The following ARHGAP6 variants were observed in gnomAD, a reference collection of about 807,000 sequenced individuals.
The protein encoded by ARHGAP6 is Rho GTPase activating protein 6.
In ARHGAP6, 16 loss-of-function variants were observed where a neutral mutation model predicts 55.7. The ratio of observed to expected loss-of-function variants is 0.29; its 90% confidence interval spans 0.19 to 0.44. ARHGAP6 has a LOEUF of 0.44. ARHGAP6 is among the 20% of genes least tolerant of loss of function. The pLI, the probability that ARHGAP6 is intolerant of heterozygous loss-of-function variation, is 1.00. For missense variants in ARHGAP6, 698 were observed against 808.9 expected, an observed-to-expected ratio of 0.86 and a Z score of 1.66; for synonymous variants, 382 against 360.9, an observed-to-expected ratio of 1.06 and a Z score of -0.66.
chrX:11,528,760 G>A (rs2051016979), intron 1 of ARHGAP6, among the ~76,000 whole-genome samples: 1 of 111,700 alleles, frequency 9.0e-6, no homozygotes, highest in South Asian at 3.8e-4. Context: ...GGTGAAGTAG[G>A]CCAGGTTTCC....
intron 1 of ARHGAP6, among the ~76,000 whole-genome samples, chrX:11,585,356 T>A (rs1402751397): frequency 1.8e-5 from 2 of 112,163 alleles, no homozygotes; most frequent in Non-Finnish European, 3.8e-5. Context: ...GGAAGTGCCA[T>A]GTTTTCTGCA....
chrX:11,383,717 G>C (rs190240496), intron 1 of ARHGAP6, among the ~76,000 whole-genome samples: 46 of 111,643 alleles, frequency 4.1e-4, no homozygotes, highest in African/African-American at 1.5e-3. Context: ...TCTCATTTCA[G>C]AGGAAAATCC....
intron 1 of ARHGAP6, among the ~76,000 whole-genome samples, chrX:11,441,210 C>T (rs1217571539): frequency 1.8e-5 from 2 of 111,576 alleles, no homozygotes; most frequent in Admixed American, 9.5e-5. Context: ...AGCAGGGGTG[C>T]TTCCCAAGAA....
In ARHGAP6 at chrX:11,580,708, C is replaced by A. The variant is rs2051656001; in HGVS notation, c.588+83533G>T. Among the ~76,000 whole-genome samples the A allele has an allele frequency of 5.4e-5, 6 of 112,068 alleles. No homozygotes were observed. The South Asian group carries it at 1.8e-3, about 34-fold the overall frequency. ...CTAACTATATCTTTATTTTCAGACA[C>A]TAATATAATGTTAGCTCTCTTTAAA... On this transcript the variant is annotated intron_variant, in intron 1 of 12. Transcript: ENST00000337414.
At chrX:11,143,841 G>T in intron 11 of ARHGAP6, 139 bp downstream of exon 11, 1 of 1,185,528 alleles carries the variant, frequency 8.4e-7, no homozygotes, top group Admixed American at 2.5e-5. Context: ...GCAGGTACTC[G>T]GTAAATGCAG....
rs184411963 is a variant in ARHGAP6 at position 11,487,196 on chromosome X, T to C, written c.588+177045A>G. Among the ~76,000 whole-genome samples the C allele has an allele frequency of 1.9e-4, 21 of 112,287 alleles. No individual in the cohort carries two copies. In the East Asian group the frequency reaches 5.9e-3, roughly 31 times the overall value. ...ATGTACATATATGCATATGTGTAAA[T>C]AGATAAATACATAGATTGCCCTGGA... is the stretch of plus-strand genomic sequence containing the variant. On this transcript the variant is annotated intron_variant, in intron 1 of 12. Coordinates refer to ENST00000337414, the MANE Select transcript of ARHGAP6 (RefSeq NM_013427.3).
In ARHGAP6 at chrX:11,315,687, C is replaced by T. The variant is rs1019817190; in HGVS notation, c.589-60980G>A. Reference sequence around the variant, plus strand: ...ACAAAACAACCAGCCATGTTTTTGACGTCAATTAACAAATGTGAGAATAAG... The same window carrying T: ...ACAAAACAACCAGCCATGTTTTTGATGTCAATTAACAAATGTGAGAATAAG... On this transcript the variant is annotated intron_variant, in intron 1 of 12. Transcript: ENST00000337414. Among the ~76,000 whole-genome samples the T allele has an allele frequency of 8.9e-5, 10 of 111,876 alleles. No individual in the cohort carries two copies. In the East Asian group the frequency reaches 1.1e-3, roughly 13 times the overall value.
At chrX:11,514,805 T>C (rs969787496) in intron 1 of ARHGAP6, among the ~76,000 whole-genome samples, 3 of 108,539 alleles carry the variant, frequency 2.8e-5, no homozygotes, top group African/African-American at 1.0e-4. Flanking sequence ...TGAATCTCCC[T>C]AATATTGCCC....
intron 1 of ARHGAP6, among the ~76,000 whole-genome samples, chrX:11,536,303 C>T (rs1411747772): frequency 8.9e-6 from 1 of 112,138 alleles, no homozygotes; most frequent in Non-Finnish European, 1.9e-5. Flanking sequence ...CTGGATGTTG[C>T]CCTGAGCCAA....
intron 1 of ARHGAP6, among the ~76,000 whole-genome samples, chrX:11,452,607 T>C (rs185701484): frequency 5.3e-4 from 60 of 112,360 alleles, no homozygotes; most frequent in African/African-American, 1.8e-3. Context: ...CTTACTGTTC[T>C]TTTTACAAAA....
rs2045591003 is a variant in ARHGAP6 at position 11,139,494 on chromosome X, C to G, written c.2294G>C (p.Arg765Thr). 1 of 1,145,754 alleles carries G rather than the reference C, an allele frequency of 8.7e-7. No homozygotes were observed. The highest frequency in any genetic ancestry group is 1.2e-6 in the Non-Finnish European group (1 of 866,755). 94.4% of individuals were successfully genotyped at this position (1,145,754 alleles called of 1,213,427 possible). A position where few individuals can be genotyped will look rare whatever the true frequency, so the allele number is the denominator to read the frequency against. Reference protein sequence around the residue: ...SGDIFESSSLRAGPCSLSQGN... With the variant: ...SGDIFESSSLTAGPCSLSQGN... ...TTGAGAAAGGGAGCAGGGCCCCGCTCTTAGGGAGCTGCTTTCAAAAATGTC... is the reference window on the plus strand; with the variant it reads ...TTGAGAAAGGGAGCAGGGCCCCGCTGTTAGGGAGCTGCTTTCAAAAATGTC... Residue 765 changes from arginine (R) to threonine (T), a missense_variant, in exon 13 of 13, where the codon AGA (arginine) becomes ACA (threonine). This residue lies in a region of ARHGAP6 where 212 missense variants were observed against 208.7 expected (regional missense o/e 1.02). Coordinates refer to ENST00000337414, the MANE Select transcript of ARHGAP6 (RefSeq NM_013427.3).
rs192644114 is a variant in ARHGAP6, at chrX:11,519,682, G to A, written c.588+144559C>T. Among the ~76,000 whole-genome samples the A allele has an allele frequency of 4.6e-5, 5 of 108,825 alleles. No homozygotes were observed. The East Asian group carries it at 1.2e-3, about 26-fold the overall frequency. The allele number at this position is 108,825 out of a possible 115,157, so 94.5% of individuals were successfully genotyped here. On this transcript the variant is annotated intron_variant, in intron 1 of 12. Transcript: ENST00000337414. ...GAACAGAGCCCTCAGAAATAACACT[G>A]CTTACCTACAACTATCTGATCTTTG...
rs1402131790 is a variant in ARHGAP6, at chrX:11,368,721, C to A, written c.589-114014G>T. 3.6e-5 allele frequency among the ~76,000 whole-genome samples: 4 copies of A among 111,873 alleles called. No homozygotes were observed. In the Admixed American group the frequency reaches 3.8e-4, roughly 11 times the overall value. ...CAAGCTTAAAGGGTATTACCTAGTC[C>A]TGTTAAGTTCTATTGTGTCTTGTCC... is the stretch of plus-strand genomic sequence containing the variant. On this transcript the variant is annotated intron_variant, in intron 1 of 12. Transcript: ENST00000337414.
At chrX:11,449,414 T>C (rs2050123246) in intron 1 of ARHGAP6, among the ~76,000 whole-genome samples, 1 of 111,689 alleles carries the variant, frequency 9.0e-6, no homozygotes, top group Non-Finnish European at 1.9e-5. Context: ...AGACCTCACA[T>C]TGGTTTGTGC....
intron 1 of ARHGAP6, among the ~76,000 whole-genome samples, chrX:11,353,238 A>C (rs1184207170): frequency 1.8e-5 from 2 of 112,138 alleles, no homozygotes; most frequent in Non-Finnish European, 3.8e-5. Flanking sequence ...AAGCCCCAGC[A>C]AAAGTTCTTT....
chrX:11,528,996 C>T (rs902776323), intron 1 of ARHGAP6, among the ~76,000 whole-genome samples: 3 of 111,957 alleles, frequency 2.7e-5, no homozygotes, highest in Non-Finnish European at 3.8e-5. Context: ...CTTTCTATCC[C>T]TGAAAGAAGT....
At chrX:11,497,128 G>A (rs938377849) in intron 1 of ARHGAP6, among the ~76,000 whole-genome samples, 1 of 111,754 alleles carries the variant, frequency 8.9e-6, no homozygotes, top group Admixed American at 9.6e-5. Flanking sequence ...GGTTCCCTGA[G>A]GGCCATCAAA....
chrX:11,454,601 A>T (rs2050178738), intron 1 of ARHGAP6, among the ~76,000 whole-genome samples: 1 of 111,873 alleles, frequency 8.9e-6, no homozygotes, highest in South Asian at 3.8e-4. Context: ...TGTGGTTTTC[A>T]GGTCTTGGAG....
At chrX:11,515,712 A>C (rs12008726) in intron 1 of ARHGAP6, among the ~76,000 whole-genome samples, 1,793 of 112,555 alleles carry the variant, frequency 0.016, 33 homozygotes, top group African/African-American at 0.055. Context: ...CATCTTGTTT[A>C]TTACAAAATG....
Sources: allele counts gnomAD v4.1 joint callset (sites outside exome capture counted in the v4.1 genomes callset), GRCh38; gene constraint gnomAD v4.1.1; regional missense constraint gnomAD v4.1.1; transcripts MANE v1.5; gene names NCBI Gene and HGNC (gene_info 2026-07-23, HGNC 2026-07-21).